WASF2: variants seen among roughly 807,000 people sequenced by gnomAD.
The protein encoded by WASF2 is actin-binding protein WASF2.
In WASF2, 14 loss-of-function variants were observed where a neutral mutation model predicts 45.0. The ratio of observed to expected loss-of-function variants is 0.31; its 90% CI spans 0.21 to 0.49. WASF2 has a LOEUF of 0.49. Among genes scored for constraint, WASF2 ranks in the 20% least tolerant of loss-of-function variants. The pLI is 0.99. For synonymous variants in WASF2, 200 were observed against 236.3 expected (o/e 0.85, Z 1.41); for missense variants, 439 against 636.1 (o/e 0.69, Z 3.33).
chr1:27,478,368 G>C (rs1204789825), intron 1 of WASF2, among the ~76,000 whole-genome samples: 1 of 151,516 alleles, frequency 6.6e-6, no homozygotes, highest in East Asian at 1.9e-4. Context: ...CAAAGGACTT[G>C]GGTTCGTATA....
At position 27,409,889 on chromosome 1, in the gene WASF2, G is replaced by A; in HGVS notation, c.1142C>T (p.Pro381Leu). The A allele has an allele frequency of 6.3e-7, 1 of 1,577,226 alleles. No homozygotes were observed. Among genetic ancestry groups the A allele is most frequent in the Non-Finnish European group, 8.6e-7 (1 of 1,158,520 alleles). Residue 381 changes from proline to leucine, a missense_variant, in exon 8 of 9, where the codon CCT becomes CTT. Physicochemically the swap from Pro to Leu is moderately conservative, Grantham distance 98. Around this residue, in one of 5 missense-constraint regions of WASF2, gnomAD observed 286 missense variants for 373.5 expected, o/e 0.77. Transcript: ENST00000618852. The stretch of plus-strand genomic sequence containing the variant: ...TCCTCCTGTTGGCTGGGACAAGGGA[G>A]GTGGTGGCAGAGTTGGGTAGTCAGC... ...PAADYPTLPPPPLSQPTGGAP... is the reference protein window; with the variant it reads ...PAADYPTLPPLPLSQPTGGAP...
intron 1 of WASF2, among the ~76,000 whole-genome samples, chr1:27,434,539 G>C (rs771547456): frequency 1.3e-5 from 2 of 152,030 alleles, no homozygotes; most frequent in Non-Finnish European, 2.9e-5. Context: ...CCCTTCTCCA[G>C]GTCTACATCT....
intron 1 of WASF2, among the ~76,000 whole-genome samples, chr1:27,444,009 G>A (rs766704957): frequency 1.3e-5 from 2 of 152,110 alleles, no homozygotes; most frequent in African/African-American, 2.4e-5. Context: ...TCGAACTCCT[G>A]ACCTTGTGAT....
chr1:27,419,714 A>C (rs1320501209), intron 2 of WASF2, among the ~76,000 whole-genome samples: 1 of 152,208 alleles, frequency 6.6e-6, no homozygotes, highest in African/African-American at 2.4e-5. Context: ...AGTTCAGAGG[A>C]CGTTCTACGT....
chr1:27,451,158 ATTAAT>A (rs1007885892), intron 1 of WASF2, among the ~76,000 whole-genome samples: 1 of 152,192 alleles, frequency 6.6e-6, no homozygotes, highest in African/African-American at 2.4e-5. Context: ...CACTTAGGAT[ATTAAT>A]TTAATACTTC....
rs2016676967 is a variant in WASF2 at position 27,406,459 on chromosome 1, TCTC to T, written c.*1727_*1729del. 6.6e-6 allele frequency: 1 copy of T among 152,612 alleles called. No individual in the cohort carries two copies. Among genetic ancestry groups the T allele is most frequent in the South Asian group, 2.1e-4 (1 of 4,826 alleles). 9.5% of individuals were successfully genotyped at this position (152,612 alleles called of 1,614,324 possible). A position where few individuals can be genotyped will look rare whatever the true frequency, so the allele number is the denominator to read the frequency against. ...AGGCAGAACCCATGACTATACACTC[TCTC>T]CTCAAGCCGGAGGGCTTTATGAGGG... On this transcript the variant is annotated 3_prime_UTR_variant, in exon 9 of 9. Transcript: ENST00000618852.
At chr1:27,449,908 C>T (rs184784231) in intron 1 of WASF2, among the ~76,000 whole-genome samples, 1 of 152,134 alleles carries the variant, frequency 6.6e-6, no homozygotes, top group Non-Finnish European at 1.5e-5. Flanking sequence ...CTTTGGGAGG[C>T]TGAGGTGGGC....
chr1:27,413,415 G>A (rs942788957), intron 6 of WASF2, among the ~76,000 whole-genome samples: 2 of 152,166 alleles, frequency 1.3e-5, no homozygotes, highest in African/African-American at 4.8e-5. Flanking sequence ...CCAAGCATCA[G>A]CTAGCAAAAT....
At chr1:27,430,894 A>G (rs2017052607) in intron 1 of WASF2, among the ~76,000 whole-genome samples, 1 of 152,214 alleles carries the variant, frequency 6.6e-6, no homozygotes, top group African/African-American at 2.4e-5. Flanking sequence ...GACTGTGAAT[A>G]CAAAATGCTT....
chr1:27,450,787 T>C (rs1039698493), intron 1 of WASF2, among the ~76,000 whole-genome samples: 12 of 151,150 alleles, frequency 7.9e-5, no homozygotes, highest in Non-Finnish European at 1.6e-4. Context: ...GTGTGAGCCA[T>C]CGCACCCAGC....
rs1458068365 is a variant in WASF2, at chr1:27,490,157, C to A, written c.-215G>T. The A allele has an allele frequency of 6.6e-6, 1 of 152,398 alleles. No homozygotes were observed. Among genetic ancestry groups the A allele is most frequent in the Non-Finnish European group, 1.5e-5 (1 of 68,152 alleles). 9.4% of individuals were successfully genotyped at this position (152,398 alleles called of 1,614,324 possible). ...CCTGTGTCCGCCATTACGCGATTCC[C>A]CGCCCTGGGCGGCAGCCACACCCCG... is the stretch of plus-strand genomic sequence containing the variant. On this transcript the variant is annotated 5_prime_UTR_variant, in exon 1 of 9. Transcript: ENST00000618852.
intron 1 of WASF2, among the ~76,000 whole-genome samples, chr1:27,472,556 C>T (rs1413682608): frequency 6.7e-6 from 1 of 149,924 alleles, no homozygotes; most frequent in Middle Eastern, 3.4e-3. Flanking sequence ...ACTGCTTGAG[C>T]CCAGGAGGCA....
At chr1:27,441,652 GC>G (rs2017231388) in intron 1 of WASF2, among the ~76,000 whole-genome samples, 1 of 151,628 alleles carries the variant, frequency 6.6e-6, no homozygotes, top group African/African-American at 2.4e-5. Context: ...TACTCCGGAG[GC>G]TGAGGCAGGA....
Position 27,477,875 on chromosome 1 carries a change from G to C in WASF2, c.-44+12111C>G, listed in dbSNP as rs1470104629. Among the ~76,000 whole-genome samples the C allele has an allele frequency of 1.2e-3, 123 of 99,388 alleles. 6 individuals carry two copies. The highest frequency in any genetic ancestry group is 1.5e-3 in the Non-Finnish European group (84 of 54,400). 65.2% of individuals were successfully genotyped at this position (99,388 alleles called of 152,430 possible). A position where few individuals can be genotyped will look rare whatever the true frequency, so the allele number is the denominator to read the frequency against. ...GATCCCGCCACTGCACTCCAGCCTG[G>C]GCTACAGAGCGAGACTCCGTCTCAA... On this transcript the variant is annotated intron_variant, in intron 1 of 8. Coordinates refer to ENST00000618852, the MANE Select transcript of WASF2 (RefSeq NM_006990.5).
At chr1:27,423,481 C>G (rs552204345) in intron 2 of WASF2, among the ~76,000 whole-genome samples, 2 of 152,266 alleles carry the variant, frequency 1.3e-5, no homozygotes, top group South Asian at 2.1e-4. Context: ...TGTGCCCAGC[C>G]TAAATACCCT....
chr1:27,457,458 T>A (rs1167003092), intron 1 of WASF2: 1 of 151,942 alleles, frequency 6.6e-6, no homozygotes, highest in East Asian at 1.9e-4. Flanking sequence ...ACGCCTGTAG[T>A]CCCAGCTACT....
At chr1:27,487,516 TTATA>T (rs1408866237) in intron 1 of WASF2, among the ~76,000 whole-genome samples, 1 of 111,532 alleles carries the variant, frequency 9.0e-6, no homozygotes, top group African/African-American at 3.5e-5. Context: ...ATATGTTATA[TTATA>T]TATATTTTAT....
intron 2 of WASF2, among the ~76,000 whole-genome samples, chr1:27,422,301 C>T (rs550376326): frequency 6.6e-6 from 1 of 152,236 alleles, no homozygotes; most frequent in African/African-American, 2.4e-5. Context: ...TATACTGAGA[C>T]ATGGAAGGAG....
At chr1:27,487,649 T>C (rs1240502880) in intron 1 of WASF2, among the ~76,000 whole-genome samples, 1 of 104,890 alleles carries the variant, frequency 9.5e-6, no homozygotes, top group Non-Finnish European at 1.8e-5. Flanking sequence ...ATATATTATA[T>C]ATTATATAAT....
Sources: gnomAD v4.1 joint callset for allele counts (sites outside exome capture counted in the v4.1 genomes callset) on GRCh38, gnomAD v4.1.1 for gene constraint, gnomAD v4.1.1 regional missense constraint, MANE v1.5 for transcripts, NCBI Gene and HGNC (gene_info 2026-07-23, HGNC 2026-07-21) for gene names.